Variants in FAM13A observed in about 807,000 individuals in gnomAD.
FAM13A encodes protein FAM13A.
Under a neutral mutation model 129.6 loss-of-function variants are expected in FAM13A, and 76 were observed. The ratio of observed to expected loss-of-function variants is 0.59; its 90% CI spans 0.49 to 0.71. The LOEUF (loss-of-function observed/expected upper bound fraction) is 0.71, where lower values mean the gene tolerates loss of function less well. Ranked by LOEUF, FAM13A falls within the 30% of genes least tolerant of loss-of-function variation. FAM13A has a pLI of 0.00. For missense variants in FAM13A, 1,108 were observed against 1,249.3 expected (o/e 0.89, Z 1.70); for synonymous variants, 443 against 449.9 (o/e 0.98, Z 0.20).
At position 88,948,600 on chromosome 4, in the gene FAM13A, C is replaced by T. The variant is rs547872221; in HGVS notation, c.606-10359G>A. 6.4e-4 allele frequency among the ~76,000 whole-genome samples: 97 copies of T among 152,078 alleles called. 1 individual carries two copies. The highest frequency in any genetic ancestry group is 2.9e-3 in the Admixed American group (45 of 15,262). ...GCCTCCCGGGTTCAAGCAATTCTCC[C>T]GCCTCGGCTTCCTGAGTAGCTGGGA... On this transcript the variant is annotated intron_variant, in intron 4 of 23. Coordinates refer to ENST00000264344, the MANE Select transcript of FAM13A (RefSeq NM_014883.4).
chr4:88,978,785 C>A (rs1224178448), intron 4 of FAM13A, among the ~76,000 whole-genome samples: 1 of 151,670 alleles, frequency 6.6e-6, no homozygotes, highest in African/African-American at 2.4e-5. Context: ...CAGGGCGAGA[C>A]TCCGTCTCAA....
chr4:88,884,502 A>G (rs1407011170), intron 6 of FAM13A, among the ~76,000 whole-genome samples: 1 of 152,190 alleles, frequency 6.6e-6, no homozygotes, highest in Non-Finnish European at 1.5e-5. Flanking sequence ...GGCATACCTT[A>G]ACGTAATAAA....
chr4:88,909,256 T>C (rs986278740), intron 5 of FAM13A, among the ~76,000 whole-genome samples: 2 of 152,132 alleles, frequency 1.3e-5, no homozygotes, highest in African/African-American at 4.8e-5. Flanking sequence ...AGAATATTCT[T>C]CGGCTATAAA....
intron 7 of FAM13A, among the ~76,000 whole-genome samples, chr4:88,822,259 T>G (rs1351360959): frequency 2.0e-5 from 3 of 152,170 alleles, no homozygotes; most frequent in Non-Finnish European, 4.4e-5. Context: ...CATGCCTACA[T>G]TCTTCACTTC....
At chr4:88,734,420 A>C (rs1738534390) in intron 21 of FAM13A, among the ~76,000 whole-genome samples, 1 of 152,234 alleles carries the variant, frequency 6.6e-6, no homozygotes, top group African/African-American at 2.4e-5. Flanking sequence ...GATATCTGAT[A>C]TGTTGGAGTA....
intron 21 of FAM13A, among the ~76,000 whole-genome samples, chr4:88,734,427 A>T (rs1738539499): frequency 2.0e-5 from 3 of 152,358 alleles, no homozygotes; most frequent in Non-Finnish European, 4.4e-5. Context: ...GATATGTTGG[A>T]GTAAAAAAGC....
intron 11 of FAM13A, among the ~76,000 whole-genome samples, chr4:88,779,662 T>C (rs1722478594): frequency 6.6e-6 from 1 of 152,154 alleles, no homozygotes; most frequent in Non-Finnish European, 1.5e-5. Flanking sequence ...TTCTTTCACA[T>C]AAAAAACCCC....
intron 13 of FAM13A, among the ~76,000 whole-genome samples, chr4:88,762,595 G>A (rs181965513): frequency 6.6e-6 from 1 of 152,112 alleles, no homozygotes; most frequent in Non-Finnish European, 1.5e-5. Flanking sequence ...TGTGCATGTG[G>A]GTGCCAGGGA....
At chr4:88,906,820 A>G (rs1017670869) in intron 5 of FAM13A, among the ~76,000 whole-genome samples, 8 of 152,240 alleles carry the variant, frequency 5.3e-5, no homozygotes, top group African/African-American at 1.9e-4. Flanking sequence ...ATATCAACCA[A>G]CAAACTTAAA....
intron 4 of FAM13A, among the ~76,000 whole-genome samples, chr4:88,950,833 T>C (rs1267157771): frequency 6.6e-6 from 1 of 152,248 alleles, no homozygotes; most frequent in Non-Finnish European, 1.5e-5. Context: ...GACGGGTCAA[T>C]AACTCAATGG....
chr4:88,839,465 C>T (rs1381985832), intron 7 of FAM13A, among the ~76,000 whole-genome samples: 8 of 152,158 alleles, frequency 5.3e-5, no homozygotes, highest in Non-Finnish European at 1.2e-4. Flanking sequence ...ATGGAATAGA[C>T]AGTCAATAGA....
intron 4 of FAM13A, among the ~76,000 whole-genome samples, chr4:88,980,017 T>TA (rs1419679332): frequency 6.6e-6 from 1 of 152,222 alleles, no homozygotes; most frequent in Non-Finnish European, 1.5e-5. Flanking sequence ...ATTTATAAAA[T>TA]GGCTTAAATA....
chr4:88,896,794 G>A (rs1363292702), intron 6 of FAM13A, among the ~76,000 whole-genome samples: 2 of 152,120 alleles, frequency 1.3e-5, no homozygotes, highest in African/African-American at 2.4e-5. Context: ...TCCAATAACC[G>A]AAACTATCGT....
At chr4:89,039,636 C>T (rs985585462) in intron 1 of FAM13A, among the ~76,000 whole-genome samples, 2 of 152,068 alleles carry the variant, frequency 1.3e-5, no homozygotes, top group African/African-American at 4.8e-5. Flanking sequence ...GTGGCTCATG[C>T]CTGTAATGCT....
intron 7 of FAM13A, among the ~76,000 whole-genome samples, chr4:88,805,670 T>G (rs950333849): frequency 8.7e-6 from 1 of 114,626 alleles, no homozygotes; most frequent in African/African-American, 3.3e-5. Flanking sequence ...CATTGAAAGT[T>G]AATTTTTTTT....
Position 88,739,010 on chromosome 4 carries a change from C to T in FAM13A, c.2562+20G>A, listed in dbSNP as rs116320485. On this transcript the variant is annotated intron_variant, in intron 20 of 23. Transcript: ENST00000264344. Reference sequence around the variant, plus strand: ...AAGCGGAAAGGTGTTGTACCAGCCACGGGAAGGTATTCTACTCACAATGAT... The same window carrying T: ...AAGCGGAAAGGTGTTGTACCAGCCATGGGAAGGTATTCTACTCACAATGAT... 5.0e-4 allele frequency: 763 copies of T among 1,515,808 alleles called. 6 individuals are homozygous for T. Among genetic ancestry groups the T allele is most frequent in the African/African-American group, 4.8e-3 (354 of 73,076 alleles). The allele number at this position is 1,515,808 out of a possible 1,614,324, so 93.9% of individuals were successfully genotyped here. A position where few individuals can be genotyped will look rare whatever the true frequency, so the allele number is the denominator to read the frequency against.
At chr4:88,857,256 A>G (rs1434065263) in intron 6 of FAM13A, among the ~76,000 whole-genome samples, 1 of 152,238 alleles carries the variant, frequency 6.6e-6, no homozygotes, top group East Asian at 1.9e-4. Context: ...GCAAGTCTGT[A>G]TTTTAGCATA....
intron 7 of FAM13A, among the ~76,000 whole-genome samples, chr4:88,842,589 C>T (rs909467439): frequency 3.3e-5 from 5 of 152,244 alleles, no homozygotes; most frequent in Admixed American, 6.5e-5. Context: ...TTAGTTATGT[C>T]TGGCCCCTCA....
intron 3 of FAM13A, among the ~76,000 whole-genome samples, chr4:89,009,951 C>T (rs552909598): frequency 6.6e-6 from 1 of 152,270 alleles, no homozygotes; most frequent in African/African-American, 2.4e-5. Context: ...CTACTGAAGA[C>T]CTAATCTTTT....
Sources: allele counts gnomAD v4.1 joint callset (sites outside exome capture counted in the v4.1 genomes callset), GRCh38; gene constraint gnomAD v4.1.1; transcripts MANE v1.5; gene names NCBI Gene and HGNC (gene_info 2026-07-23, HGNC 2026-07-21).